Variants in NXPE2 observed in about 807,000 individuals in gnomAD.
NXPE2 encodes the protein neurexophilin and PC-esterase domain family member 2.
In NXPE2, 34 loss-of-function variants were observed where a neutral mutation model predicts 34.4. The ratio of observed to expected loss-of-function variants is 0.99; its 90% CI spans 0.75 to 1.31. The LOEUF (loss-of-function observed/expected upper bound fraction) is 1.31. NXPE2 is among the 40% of genes most tolerant of loss of function. NXPE2 has a pLI of 0.00. For synonymous variants in NXPE2, 235 were observed against 231.3 expected, an observed-to-expected ratio of 1.02 and a Z score of -0.15; for missense variants, 649 against 672.5, an observed-to-expected ratio of 0.97 and a Z score of 0.39.
At chr11:114,688,400 ATATG>A (rs1374451125) in intron 2 of NXPE2, among the ~76,000 whole-genome samples, 1 of 152,050 alleles carries the variant, frequency 6.6e-6, no homozygotes, top group Non-Finnish European at 1.5e-5. Context: ...ATTGATTTGC[ATATG>A]TTAAACCATC....
the NXPE2 span, among the ~76,000 whole-genome samples, chr11:114,600,304 CA>C: frequency 1.3e-5 from 2 of 152,022 alleles, no homozygotes; most frequent in African/African-American, 4.8e-5. Flanking sequence ...TTCTATAATT[CA>C]AAAACTCATT....
the NXPE2 span, among the ~76,000 whole-genome samples, chr11:114,622,327 C>A: frequency 2.6e-5 from 4 of 152,094 alleles, no homozygotes; most frequent in African/African-American, 9.6e-5. Context: ...ACCACTGTTA[C>A]CCAATGCATC....
In NXPE2 at chr11:114,698,369, A is replaced by G. The variant is rs1344104952; in HGVS notation, c.457A>G (p.Arg153Gly). The change falls in exon 3 of 6, where the codon AGG becomes GGG. Residue 153 changes from arginine (R) to glycine (G), a missense_variant. Coordinates refer to ENST00000389586, the MANE Select transcript of NXPE2 (RefSeq NM_182495.6). ...ATATGGTGGGGATTTCCTGAGGGCC[A>G]GGATGTACTCCACAGCACTAATGGC... ...KQYGGDFLRA[R>G]MYSTALMAGA... 3 of 1,614,080 alleles carry G rather than the reference A, an allele frequency of 1.9e-6. No homozygotes were observed. Among genetic ancestry groups the G allele is most frequent in the South Asian group, 1.1e-5 (1 of 91,056 alleles).
chr11:114,721,301 G>C, the NXPE2 span, among the ~76,000 whole-genome samples: 2 of 151,580 alleles, frequency 1.3e-5, no homozygotes, highest in Non-Finnish European at 2.9e-5. Flanking sequence ...GTGCCTCAGG[G>C]AGCAATACAT....
the NXPE2 span, among the ~76,000 whole-genome samples, chr11:114,794,188 G>A: frequency 6.6e-6 from 1 of 152,066 alleles, no homozygotes; most frequent in African/African-American, 2.4e-5. Context: ...CACTTCCCCA[G>A]CCTCATTTCC....
At chr11:114,788,645 TCTGA>T in the NXPE2 span, among the ~76,000 whole-genome samples, 1 of 152,240 alleles carries the variant, frequency 6.6e-6, no homozygotes, top group Non-Finnish European at 1.5e-5. Context: ...CTCGTGTCCC[TCTGA>T]CTTTGTTCTT....
chr11:114,582,970 T>G, the NXPE2 span: 2 of 1,614,014 alleles, frequency 1.2e-6, no homozygotes, highest in Non-Finnish European at 1.7e-6. Context: ...AAGGACTTTG[T>G]GGAGTTGTTC....
chr11:114,708,823 C>A (rs1400768554), downstream of NXPE2, among the ~76,000 whole-genome samples: 1 of 152,124 alleles, frequency 6.6e-6, no homozygotes, highest in African/African-American at 2.4e-5. Flanking sequence ...CCAACCATTG[C>A]AATGTTAATT....
intron 2 of NXPE2, among the ~76,000 whole-genome samples, chr11:114,685,319 C>G (rs1272184478): frequency 6.6e-6 from 1 of 152,140 alleles, no homozygotes; most frequent in African/African-American, 2.4e-5. Context: ...ATCAAGGCAT[C>G]AACAGATTTG....
the NXPE2 span, among the ~76,000 whole-genome samples, chr11:114,764,633 C>T: frequency 6.6e-6 from 1 of 152,122 alleles, no homozygotes; most frequent in Non-Finnish European, 1.5e-5. Flanking sequence ...TTTTGAATCA[C>T]TTGGATGTTA....
chr11:114,586,405 CCTT>C, the NXPE2 span, among the ~76,000 whole-genome samples: 169 of 152,254 alleles, frequency 1.1e-3, 1 homozygote, highest in African/African-American at 3.7e-3. Flanking sequence ...GACCCCAACT[CCTT>C]CTTTTTATTT....
At chr11:114,776,508 A>G in the NXPE2 span, among the ~76,000 whole-genome samples, 1 of 152,216 alleles carries the variant, frequency 6.6e-6, no homozygotes, top group African/African-American at 2.4e-5. Context: ...GATACTGTCA[A>G]TTACAAGCCT....
At chr11:114,717,380 C>G in the NXPE2 span, among the ~76,000 whole-genome samples, 1 of 152,122 alleles carries the variant, frequency 6.6e-6, no homozygotes, top group Non-Finnish European at 1.5e-5. Context: ...AAAGTGATGT[C>G]CCTGAACGTG....
At chr11:114,507,201 T>G in the NXPE2 span, among the ~76,000 whole-genome samples, 1 of 121,280 alleles carries the variant, frequency 8.2e-6, no homozygotes, top group Non-Finnish European at 1.7e-5. Context: ...AACAGACCAG[T>G]AACAAGCTCT....
the NXPE2 span, among the ~76,000 whole-genome samples, chr11:114,812,956 C>T: frequency 6.6e-6 from 1 of 152,164 alleles, no homozygotes; most frequent in African/African-American, 2.4e-5. Flanking sequence ...AATAGCCAAG[C>T]TCCTGGGCTT....
chr11:114,802,656 A>ATCAACACCTGTG, the NXPE2 span, among the ~76,000 whole-genome samples: 1 of 152,218 alleles, frequency 6.6e-6, no homozygotes, highest in East Asian at 1.9e-4. Flanking sequence ...TTCACTGCAT[A>ATCAACACCTGTG]TCAACACCTG....
At chr11:114,486,992 T>C in the NXPE2 span, among the ~76,000 whole-genome samples, 1 of 152,000 alleles carries the variant, frequency 6.6e-6, no homozygotes, top group Non-Finnish European at 1.5e-5. Context: ...TTCTTTGTGG[T>C]ATTATGTACA....
the NXPE2 span, among the ~76,000 whole-genome samples, chr11:114,608,264 T>C: frequency 0.43 from 64,913 of 151,190 alleles, 15,193 homozygotes; most frequent in African/African-American, 0.61. Context: ...AGTTTTGCCT[T>C]GTGGGTAACC....
the NXPE2 span, among the ~76,000 whole-genome samples, chr11:114,808,057 C>T: frequency 6.6e-6 from 1 of 152,212 alleles, no homozygotes; most frequent in South Asian, 2.1e-4. Flanking sequence ...AACTGCTCAA[C>T]TACATGGAAA....
Sources: gnomAD v4.1 joint callset for allele counts (sites outside exome capture counted in the v4.1 genomes callset) on GRCh38, gnomAD v4.1.1 for gene constraint, MANE v1.5 for transcripts, NCBI Gene and HGNC (gene_info 2026-07-23, HGNC 2026-07-21) for gene names.